The following FAM120B variants were observed in gnomAD, a reference collection of about 807,000 sequenced individuals.
FAM120B encodes constitutive coactivator of peroxisome proliferator-activated receptor gamma.
A neutral mutation model predicts 96.3 loss-of-function variants in FAM120B; 83 were observed. The observed-to-expected ratio is 0.86, with a 90% CI of 0.72 to 1.03. The LOEUF is 1.03. Ranked by LOEUF, FAM120B falls within the 50% of genes least tolerant of loss-of-function variation. FAM120B has a pLI of 0.00. For synonymous variants in FAM120B, 407 were observed against 402.7 expected, an observed-to-expected ratio of 1.01 and a Z score of -0.13; for missense variants, 1,027 against 1,121.2, an observed-to-expected ratio of 0.92 and a Z score of 1.20.
At position 170,395,319 on chromosome 6, in the gene FAM120B, G is replaced by T. The variant is rs946140776; in HGVS notation, c.2600-168G>T. ...ATCTGTGACTCCACTCCTGAGCCGG[G>T]TTCTCTGGGGATGCAACCCTTAAAT... On this transcript the variant is annotated intron_variant, in intron 8 of 10. Transcript: ENST00000476287. 1.3e-5 allele frequency among the ~76,000 whole-genome samples: 2 copies of T among 152,196 alleles called. 1 individual carries two copies. Among genetic ancestry groups the T allele is most frequent in the South Asian group, 4.1e-4 (2 of 4,828 alleles).
rs1562567340 is a variant in FAM120B, at chr6:170,361,242, ATATATATATATACGTG to A, written c.2283+2935_2283+2950del. On this transcript the variant is annotated intron_variant, in intron 6 of 10. Coordinates refer to ENST00000476287, the MANE Select transcript of FAM120B (RefSeq NM_032448.3). ...TATATATATATATATATATACACGTATATATATATATACGTGTATATATATAGTTACATACATATTA... is the reference window on the plus strand; with the variant it reads ...TATATATATATATATATATACACGTATATATATATAGTTACATACATATTA... 9.3e-4 allele frequency among the ~76,000 whole-genome samples: 121 copies of A among 130,028 alleles called. 5 individuals carry two copies. The highest frequency in any genetic ancestry group is 3.6e-3 in the African/African-American group (111 of 30,696). 85.3% of individuals were successfully genotyped at this position (130,028 alleles called of 152,430 possible). A position where few individuals can be genotyped will look rare whatever the true frequency, so the allele number is the denominator to read the frequency against.
intron 4 of FAM120B, 42 bp from the exon 5 acceptor site, chr6:170,348,109 G>A: frequency 6.5e-7 from 1 of 1,527,448 alleles, no homozygotes; most frequent in Non-Finnish European, 9.0e-7. Flanking sequence ...ATAACTCTGT[G>A]CTGCAAAGAA....
chr6:170,316,563 C>T (rs1038496515), intron 1 of FAM120B, among the ~76,000 whole-genome samples: 4 of 152,204 alleles, frequency 2.6e-5, no homozygotes, highest in Non-Finnish European at 5.9e-5. Context: ...TAACTGTAAA[C>T]TACTTTGTAT....
intron 5 of FAM120B, among the ~76,000 whole-genome samples, chr6:170,351,340 T>G (rs1270582278): frequency 6.6e-6 from 1 of 152,094 alleles, no homozygotes; most frequent in East Asian, 1.9e-4. Context: ...CTGAAAGAGA[T>G]GGGGAGAACG....
rs1369334720 is a variant in FAM120B at position 170,318,629 on chromosome 6, T to C, written c.1239T>C (p.Val413=). The change falls in exon 2 of 11, where the codon GTT becomes GTC. Residue 413 remains valine, a synonymous_variant. Transcript: ENST00000476287. The stretch of plus-strand genomic sequence containing the variant: ...CAGACCCTGAACCCAGGCAAGAAGT[T>C]CCCATGTGTACAGGCCCTGAAGCCA... ...MCSDPEPRQE[V]PMCTGPEARQ... is the part of the protein sequence containing the mutation. The C allele has an allele frequency of 6.3e-7, 1 of 1,597,588 alleles. No homozygotes were observed. The highest frequency in any genetic ancestry group is 1.1e-5 in the South Asian group (1 of 89,694).
chr6:170,377,012 A>G (rs375246050), intron 6 of FAM120B, among the ~76,000 whole-genome samples: 16 of 138,208 alleles, frequency 1.2e-4, no homozygotes, highest in East Asian at 7.6e-4. Flanking sequence ...CTGGGAGAAC[A>G]CAGGCTCACG....
At position 170,363,542 on chromosome 6, in the gene FAM120B, C is replaced by T. The variant is rs2115213919; in HGVS notation, c.2283+5224C>T. On this transcript the variant is annotated intron_variant, in intron 6 of 10. Coordinates refer to ENST00000476287, the MANE Select transcript of FAM120B (RefSeq NM_032448.3). The surrounding 1 kb of genome is among the most constrained non-coding windows in gnomAD (Gnocchi z 4.5). The stretch of plus-strand genomic sequence containing the variant: ...TGTTTGTTAACATAGAGTGTGATGA[C>T]TGATCATTGTCTATGCCAGTAGCAG... Among the ~76,000 whole-genome samples, 1 of 152,370 alleles carries T rather than the reference C, an allele frequency of 6.6e-6. No individual in the cohort carries two copies. The highest frequency in any genetic ancestry group is 1.9e-4 in the East Asian group (1 of 5,186).
At chr6:170,323,375 T>C in intron 3 of FAM120B, 116 bp downstream of exon 3, 1 of 822,732 alleles carries the variant, frequency 1.2e-6, no homozygotes, top group Non-Finnish European at 1.9e-6. Flanking sequence ...AAATGGGTTT[T>C]ATATCCCTGT....
chr6:170,359,413 C>T (rs113402159), intron 6 of FAM120B, among the ~76,000 whole-genome samples: 1 of 151,592 alleles, frequency 6.6e-6, no homozygotes, highest in African/African-American at 2.4e-5. Context: ...AAAAAATCAC[C>T]TCACAACTTA....
chr6:170,402,640 C>G (rs894420301), intron 9 of FAM120B, among the ~76,000 whole-genome samples: 2 of 152,202 alleles, frequency 1.3e-5, no homozygotes, highest in African/African-American at 2.4e-5. Context: ...CCACAGCCCT[C>G]CAGAAAAAGG....
At position 170,317,687 on chromosome 6, in the gene FAM120B, T is replaced by G. The variant is rs1472197938; in HGVS notation, c.297T>G (p.Asp99Glu). ...FDGMVEQDKR[D>E]EWVKRRLKNN... ...GCATGGTGGAGCAGGATAAGAGAGA[T>G]GAATGGGTGAAACGAAGGCTCAAGA... Residue 99 changes from aspartate to glutamate, a missense_variant, in exon 2 of 11, where the codon GAT becomes GAG. Transcript: ENST00000476287. 10 of 1,614,012 alleles carry G rather than the reference T, an allele frequency of 6.2e-6. No individual in the cohort carries two copies. The highest frequency in any genetic ancestry group is 8.5e-6 in the Non-Finnish European group (10 of 1,180,030).
chr6:170,376,973 T>G (rs977833843), intron 6 of FAM120B, among the ~76,000 whole-genome samples: 4 of 144,698 alleles, frequency 2.8e-5, no homozygotes, highest in Non-Finnish European at 6.0e-5. Context: ...TGCTCTGTGC[T>G]GTGCACACGC....
intron 4 of FAM120B, among the ~76,000 whole-genome samples, chr6:170,332,698 C>CAA (rs34931418): frequency 2.1e-5 from 3 of 145,620 alleles, no homozygotes; most frequent in Non-Finnish European, 3.0e-5. Flanking sequence ...GACTCCATCT[C>CAA]AAAAAAAAAA....
chr6:170,371,369 G>GT (rs1228965942), intron 6 of FAM120B, among the ~76,000 whole-genome samples: 2 of 152,084 alleles, frequency 1.3e-5, no homozygotes, highest in East Asian at 3.9e-4. Context: ...ACACTTGGTA[G>GT]TTTCACTTTT....
intron 9 of FAM120B, among the ~76,000 whole-genome samples, chr6:170,402,257 G>A (rs1028577751): frequency 1.3e-5 from 2 of 152,216 alleles, no homozygotes; most frequent in African/African-American, 2.4e-5. Context: ...AAGGCTGTGG[G>A]GGTGGCAGAG....
chr6:170,323,019 AT>A (rs1785392013), intron 2 of FAM120B, 59 bp from the exon 3 acceptor site: 9 of 1,429,230 alleles, frequency 6.3e-6, no homozygotes, highest in Non-Finnish European at 5.6e-6. Context: ...GACTTTTTCT[AT>A]TTGAAGGTTA....
At position 170,388,492 on chromosome 6, in the gene FAM120B, A is replaced by G; in HGVS notation, c.2489A>G (p.Asn830Ser). ...GCTGTGGAGGTTCTTTTAGAACAAA[A>G]TGTGAGTTCACAGACACCTACCTTT... ...GYAVEVLLEQ[N>S]RSRLTKFHNL... is the part of the protein sequence containing the mutation. The change falls in exon 7 of 11, where the codon AAT becomes AGT. Residue 830 changes from asparagine to serine, a missense_variant and splice_region_variant. Physicochemically the swap from Asn to Ser is conservative, Grantham distance 46 (BLOSUM62 1). This residue lies in a region of FAM120B where 142 missense variants were observed against 122.5 expected (regional missense o/e 1.16). Transcript: ENST00000476287. 6.2e-7 allele frequency: 1 copy of G among 1,613,722 alleles called. No individual in the cohort carries two copies. The highest frequency in any genetic ancestry group is 8.5e-7 in the Non-Finnish European group (1 of 1,179,630).
intron 4 of FAM120B, among the ~76,000 whole-genome samples, chr6:170,342,840 C>A (rs1406088293): frequency 2.0e-5 from 3 of 152,148 alleles, no homozygotes; most frequent in Non-Finnish European, 2.9e-5. Flanking sequence ...ATCTCAGCTG[C>A]CCATGAGGCT....
intron 4 of FAM120B, among the ~76,000 whole-genome samples, 186 bp from the exon 5 acceptor site, chr6:170,347,965 A>T (rs1787303230): frequency 6.6e-6 from 1 of 152,188 alleles, no homozygotes; most frequent in Non-Finnish European, 1.5e-5. Context: ...ATTGAAACGT[A>T]CGTATGCCAG....
Sources: gnomAD v4.1 joint callset for allele counts (sites outside exome capture counted in the v4.1 genomes callset) on GRCh38, gnomAD v4.1.1 for gene constraint, gnomAD v4.1.1 regional missense constraint, Gnocchi (gnomAD v3.1) non-coding constraint, MANE v1.5 for transcripts, NCBI Gene and HGNC (gene_info 2026-07-23, HGNC 2026-07-21) for gene names.